The following ATP8B1 variants were observed in gnomAD, a reference collection of about 807,000 sequenced individuals.
ATP8B1 encodes phospholipid-transporting ATPase IC.
A neutral mutation model predicts 149.9 loss-of-function variants in ATP8B1; 80 were observed. The ratio of observed to expected loss-of-function variants is 0.53; its 90% CI spans 0.45 to 0.64. The LOEUF (loss-of-function observed/expected upper bound fraction) is 0.64, where lower values mean the gene tolerates loss of function less well. ATP8B1 is among the 30% of genes least tolerant of loss of function. The pLI is 0.00. For missense variants in ATP8B1, 1,247 were observed against 1,552.6 expected (o/e 0.80, Z 3.31); for synonymous variants, 536 against 562.8 (o/e 0.95, Z 0.67).
chr18:57,714,828 A>G (rs1328007762), intron 2 of ATP8B1, among the ~76,000 whole-genome samples: 2 of 152,196 alleles, frequency 1.3e-5, no homozygotes, highest in South Asian at 2.1e-4. Flanking sequence ...AAGGATGGGT[A>G]TAAACAAGCC....
In ATP8B1 at chr18:57,802,975, C is replaced by G. The variant is rs568124961; in HGVS notation, c.-26+23G>C. On this transcript the variant is annotated intron_variant, in intron 1 of 27. Transcript: ENST00000648908. This position sits in a 1 kb window ranked among gnomAD's most constrained non-coding sequence, Gnocchi z 4.9. ...AGGGGCTTGGGAAGGTCTGGGGGCC[C>G]CCGGCGCCGCACCCCTGCTTACCTG... 2 of 152,162 alleles carry G rather than the reference C, an allele frequency of 1.3e-5. No homozygotes were observed. The highest frequency in any genetic ancestry group is 4.8e-5 in the African/African-American group (2 of 41,458). 9.4% of individuals were successfully genotyped at this position (152,162 alleles called of 1,614,324 possible).
At chr18:57,767,584 T>C (rs565131263) in intron 1 of ATP8B1, among the ~76,000 whole-genome samples, 1 of 152,118 alleles carries the variant, frequency 6.6e-6, no homozygotes, top group South Asian at 2.1e-4. Flanking sequence ...GGTCAGGAGT[T>C]CGAGACCAGC....
At chr18:57,689,239 G>A (rs939420269) in intron 12 of ATP8B1, among the ~76,000 whole-genome samples, 6 of 152,140 alleles carry the variant, frequency 3.9e-5, no homozygotes, top group Non-Finnish European at 7.3e-5. Flanking sequence ...GAATGGCCAT[G>A]TTCACCTTTG....
chr18:57,755,650 C>G (rs1172815454), intron 1 of ATP8B1: 1 of 152,214 alleles, frequency 6.6e-6, no homozygotes, highest in Non-Finnish European at 1.5e-5. Flanking sequence ...GGTCAGCTGC[C>G]TGGCTTCACA....
chr18:57,786,770 T>A (rs1362919498), intron 1 of ATP8B1, among the ~76,000 whole-genome samples: 1 of 152,214 alleles, frequency 6.6e-6, no homozygotes, highest in African/African-American at 2.4e-5. Context: ...CGTGAGCCAC[T>A]GTGCCCAGCC....
Position 57,701,544 on chromosome 18 carries a change from G to A in ATP8B1, c.394-231C>T, listed in dbSNP as rs77163750. ...CAGAGCCTAGAGGGCAGTGGCTCCTGAAATTATCTCATTGCAAACTTAACT... is the reference window on the plus strand; with the variant it reads ...CAGAGCCTAGAGGGCAGTGGCTCCTAAAATTATCTCATTGCAAACTTAACT... On this transcript the variant is annotated intron_variant, in intron 4 of 27. Coordinates refer to ENST00000648908, the MANE Select transcript of ATP8B1 (RefSeq NM_001374385.1). Among the ~76,000 whole-genome samples the A allele has an allele frequency of 1.7e-3, 258 of 152,290 alleles. 6 individuals carry two copies. In the East Asian group the frequency reaches 0.045, roughly 26 times the overall value.
chr18:57,730,802 C>CATATATATAT (rs927338067), intron 2 of ATP8B1, among the ~76,000 whole-genome samples: 21 of 11,052 alleles, frequency 1.9e-3, no homozygotes, highest in African/African-American at 4.0e-3. Flanking sequence ...AGACCATATA[C>CATATATATAT]ATATATATAT....
At chr18:57,714,619 A>C (rs748187100) in intron 2 of ATP8B1, among the ~76,000 whole-genome samples, 9 of 128,450 alleles carry the variant, frequency 7.0e-5, no homozygotes, top group Non-Finnish European at 1.6e-4. Context: ...AAAGAGCAAA[A>C]AAAGAGAGAG....
intron 2 of ATP8B1, among the ~76,000 whole-genome samples, chr18:57,710,535 C>T (rs1251952699): frequency 1.3e-5 from 2 of 151,852 alleles, no homozygotes; most frequent in Non-Finnish European, 2.9e-5. Context: ...GGTTGGTACA[C>T]ACTGCAGCAA....
chr18:57,766,644 G>A (rs2080213908), intron 1 of ATP8B1, among the ~76,000 whole-genome samples: 3 of 152,154 alleles, frequency 2.0e-5, no homozygotes, highest in Non-Finnish European at 4.4e-5. Flanking sequence ...TCTGACTCAG[G>A]GGGACTGGGC....
intron 1 of ATP8B1, among the ~76,000 whole-genome samples, chr18:57,756,676 T>TC (rs2080088283): frequency 6.6e-6 from 1 of 152,182 alleles, no homozygotes; most frequent in Non-Finnish European, 1.5e-5. Context: ...TCTCTCTTTT[T>TC]AAAACTGAAC....
intron 1 of ATP8B1, among the ~76,000 whole-genome samples, chr18:57,791,789 A>AT (rs2080467236): frequency 6.6e-6 from 1 of 151,978 alleles, no homozygotes; most frequent in African/African-American, 2.4e-5. Flanking sequence ...GAAATATCTT[A>AT]TTTTTCTTTA....
chr18:57,789,482 A>C (rs1304054399), intron 1 of ATP8B1, among the ~76,000 whole-genome samples: 1 of 152,232 alleles, frequency 6.6e-6, no homozygotes, highest in Non-Finnish European at 1.5e-5. Flanking sequence ...AATACAGTAC[A>C]TTGAGCACAA....
At chr18:57,739,825 AC>A (rs1398519099) in intron 1 of ATP8B1, among the ~76,000 whole-genome samples, 1 of 152,140 alleles carries the variant, frequency 6.6e-6, no homozygotes, top group Admixed American at 6.6e-5. Context: ...TGTACGCAAA[AC>A]CAAACCAGCC....
chr18:57,667,088 T>C lies in ATP8B1; in HGVS notation c.2285+4A>G. 6.2e-7 allele frequency: 1 copy of C among 1,606,912 alleles called. No individual in the cohort carries two copies. The highest frequency in any genetic ancestry group is 8.5e-7 in the Non-Finnish European group (1 of 1,173,384). ...GTAATTTCATACTGCAGGCTTTTAC[T>C]CACTTAATATCCTCCCCATAGCAGA... is the stretch of plus-strand genomic sequence containing the variant. On this transcript the variant is annotated splice_donor_region_variant and intron_variant, in intron 20 of 27. Transcript: ENST00000648908.
intron 21 of ATP8B1, among the ~76,000 whole-genome samples, chr18:57,661,676 T>TATACACAC (rs1555688751): frequency 8.8e-4 from 92 of 104,598 alleles, no homozygotes; most frequent in Non-Finnish European, 1.3e-3. Context: ...TGTATGTATA[T>TATACACAC]ACACACACAC....
intron 11 of ATP8B1, among the ~76,000 whole-genome samples, chr18:57,694,186 G>A (rs1912685162): frequency 6.6e-6 from 1 of 152,198 alleles, no homozygotes; most frequent in Admixed American, 6.5e-5. Flanking sequence ...GTATATGTTG[G>A]GGGTGCTGGG....
At chr18:57,776,364 G>T in intron 1 of ATP8B1, among the ~76,000 whole-genome samples, 1 of 152,230 alleles carries the variant, frequency 6.6e-6, no homozygotes, top group Non-Finnish European at 1.5e-5. Flanking sequence ...ACGTGAATTA[G>T]GCTTCTACCA....
At chr18:57,761,588 A>G (rs181318021) in intron 1 of ATP8B1, among the ~76,000 whole-genome samples, 13 of 152,192 alleles carry the variant, frequency 8.5e-5, no homozygotes, top group African/African-American at 2.9e-4. Context: ...GCATTTCTCC[A>G]GAAGATGGCT....
Sources: allele counts gnomAD v4.1 joint callset (sites outside exome capture counted in the v4.1 genomes callset), GRCh38; gene constraint gnomAD v4.1.1; non-coding constraint Gnocchi (gnomAD v3.1); transcripts MANE v1.5; gene names NCBI Gene and HGNC (gene_info 2026-07-23, HGNC 2026-07-21).